Variants in PFKFB3 observed in about 807,000 individuals in gnomAD.
The protein encoded by PFKFB3 is 6-phosphofructo-2-kinase/fructose-2,6-bisphosphatase 3.
In PFKFB3, 33 loss-of-function variants were observed where a neutral mutation model predicts 68.0. The ratio of observed to expected loss-of-function variants is 0.49; its 90% CI spans 0.37 to 0.65. The LOEUF is 0.65. PFKFB3 is among the 30% of genes least tolerant of loss of function. PFKFB3 has a pLI of 0.00. For missense variants in PFKFB3, 586 were observed against 712.2 expected (o/e 0.82, Z 2.02); for synonymous variants, 315 against 288.2 (o/e 1.09, Z -0.94).
chr10:6,313,943 C>T, the PFKFB3 span, among the ~76,000 whole-genome samples: 6 of 152,196 alleles, frequency 3.9e-5, no homozygotes, highest in Non-Finnish European at 8.8e-5. The surrounding 1 kb of genome is among the most constrained non-coding windows in gnomAD (Gnocchi z 4.2). Flanking sequence ...CTCACCCTAG[C>T]GCCAAGGTGG....
chr10:6,213,232 G>A (rs902913506), intron 1 of PFKFB3, among the ~76,000 whole-genome samples: 4 of 152,158 alleles, frequency 2.6e-5, no homozygotes, highest in Non-Finnish European at 4.4e-5. Context: ...ATGGGGAGAT[G>A]AAATGAAAAT....
the PFKFB3 span, among the ~76,000 whole-genome samples, chr10:6,271,521 G>C: frequency 2.0e-5 from 3 of 152,204 alleles, no homozygotes; most frequent in Non-Finnish European, 4.4e-5. Flanking sequence ...AGCCACTTCC[G>C]GGCAGGTAGC....
chr10:6,223,441 A>G (rs936177535), intron 11 of PFKFB3, among the ~76,000 whole-genome samples: 1 of 152,150 alleles, frequency 6.6e-6, no homozygotes, highest in Admixed American at 6.5e-5. Flanking sequence ...ACTCTAAGTC[A>G]CCGTGAGGGC....
chr10:6,312,594 C>G, the PFKFB3 span, among the ~76,000 whole-genome samples: 10 of 152,184 alleles, frequency 6.6e-5, no homozygotes, highest in African/African-American at 2.2e-4. Flanking sequence ...ACTAAACACA[C>G]CTTCCAGAAA....
At chr10:6,181,791 C>A (rs1454794908) in intron 1 of PFKFB3, among the ~76,000 whole-genome samples, 1 of 135,152 alleles carries the variant, frequency 7.4e-6, no homozygotes, top group Non-Finnish European at 1.5e-5. Context: ...GAGTAAGACT[C>A]CGTTTAAAAA....
chr10:6,182,838 G>A (rs1842756745), intron 1 of PFKFB3, among the ~76,000 whole-genome samples: 1 of 152,234 alleles, frequency 6.6e-6, no homozygotes, highest in Non-Finnish European at 1.5e-5. Context: ...GGGCAGGAGG[G>A]CAGAGGGCTG....
the PFKFB3 span, chr10:6,293,022 C>A: frequency 3.2e-6 from 1 of 313,148 alleles, no homozygotes; most frequent in East Asian, 8.8e-5. Flanking sequence ...CCCAGAAAGC[C>A]TCACGTGCAG....
intron 1 of PFKFB3, among the ~76,000 whole-genome samples, chr10:6,192,062 T>C (rs1398269471): frequency 6.6e-6 from 1 of 151,856 alleles, no homozygotes; most frequent in East Asian, 1.9e-4. Context: ...TCTGAATAGA[T>C]TTCTTCTGAT....
chr10:6,158,019 T>C lies in PFKFB3; in HGVS notation c.16+13006T>C, dbSNP rs147646204. On this transcript the variant is annotated intron_variant, in intron 1 of 14. Transcript: ENST00000379789. ...CAGGCAGTGTGGCTGGGCGCGGTGG[T>C]TCATGCCTGTAATCCCAGCACTTTG... Among the ~76,000 whole-genome samples, 1,506 of 151,098 alleles carry C rather than the reference T, an allele frequency of 1.0e-2. 20 individuals are homozygous for C. Among genetic ancestry groups the C allele is most frequent in the African/African-American group, 0.034 (1,390 of 41,136 alleles).
intron 1 of PFKFB3, among the ~76,000 whole-genome samples, chr10:6,156,576 C>A (rs1263627180): frequency 6.6e-6 from 1 of 151,574 alleles, no homozygotes; most frequent in African/African-American, 2.4e-5. Flanking sequence ...GGCACAATCT[C>A]GGCTCACTGC....
chr10:6,215,322 G>C lies in PFKFB3; in HGVS notation c.299+5G>C, dbSNP rs1844495323. 6.2e-7 allele frequency: 1 copy of C among 1,611,878 alleles called. No homozygotes were observed. Among genetic ancestry groups the C allele is most frequent in the Non-Finnish European group, 8.5e-7 (1 of 1,178,170 alleles). On this transcript the variant is annotated splice_donor_5th_base_variant and intron_variant, in intron 3 of 14. Transcript: ENST00000379775. This position sits in a 1 kb window ranked among gnomAD's most constrained non-coding sequence, Gnocchi z 4.3. ...GGAAGCCATGAAAGTCCGGAAGTAA[G>C]GCTGGGCCGCGGGCGTAGGGCTGGG...
chr10:6,213,834 C>G, intron 2 of PFKFB3, 86 bp downstream of exon 2: 1 of 1,457,784 alleles, frequency 6.9e-7, no homozygotes, highest in Non-Finnish European at 9.4e-7. Context: ...GCAGGACCAC[C>G]CCTGGGCGCC....
At chr10:6,325,268 A>T in the PFKFB3 span, among the ~76,000 whole-genome samples, 2,543 of 152,338 alleles carry the variant, frequency 0.017, 69 homozygotes, top group African/African-American at 0.058. Context: ...CCAGCCTGGC[A>T]TACAATTTTT....
chr10:6,311,786 A>G, the PFKFB3 span, among the ~76,000 whole-genome samples: 1 of 152,154 alleles, frequency 6.6e-6, no homozygotes, highest in Non-Finnish European at 1.5e-5. Context: ...AATGCTTTGT[A>G]AAGGCAAACC....
downstream of PFKFB3, among the ~76,000 whole-genome samples, chr10:6,259,076 C>T (rs2132088137): frequency 6.6e-6 from 1 of 152,294 alleles, no homozygotes; most frequent in African/African-American, 2.4e-5. Context: ...ACTCATCCAT[C>T]CATACACTCA....
chr10:6,186,844 T>C (rs1323780843), intron 1 of PFKFB3, among the ~76,000 whole-genome samples: 1 of 152,060 alleles, frequency 6.6e-6, no homozygotes, highest in Non-Finnish European at 1.5e-5. Context: ...AGAAGGTGCT[T>C]GTTGAAAAAG....
At chr10:6,152,889 GGAA>G (rs758208122) in intron 1 of PFKFB3, among the ~76,000 whole-genome samples, 51 of 151,624 alleles carry the variant, frequency 3.4e-4, no homozygotes, top group Admixed American at 5.9e-4. Flanking sequence ...TTTAAAAAAA[GGAA>G]GAAGAGGCTG....
intron 14 of PFKFB3, among the ~76,000 whole-genome samples, chr10:6,249,178 T>TAAAAAAAAAAAAA (rs71391803): frequency 2.6e-4 from 20 of 76,946 alleles, no homozygotes; most frequent in South Asian, 9.0e-4. Context: ...CCGTCTCAAT[T>TAAAAAAAAAAAAA]AAAAAAAAAA....
At chr10:6,158,082 G>A (rs10905920) in intron 1 of PFKFB3, among the ~76,000 whole-genome samples, 61,881 of 151,080 alleles carry the variant, frequency 0.41, 13,746 homozygotes, top group Non-Finnish European at 0.51. Context: ...TCAGGAGATC[G>A]AGACCATCCT....
Sources: gnomAD v4.1 joint callset for allele counts (sites outside exome capture counted in the v4.1 genomes callset) on GRCh38, gnomAD v4.1.1 for gene constraint, Gnocchi (gnomAD v3.1) non-coding constraint, MANE v1.5 for transcripts, NCBI Gene and HGNC (gene_info 2026-07-23, HGNC 2026-07-21) for gene names.